Variants in UGT1A4 observed in about 807,000 individuals in gnomAD.
The protein encoded by UGT1A4 is UDP glucuronosyltransferase family 1 member A4.
A neutral mutation model predicts 41.1 loss-of-function variants in UGT1A4; 32 were observed. The observed-to-expected ratio is 0.78, with a 90% CI of 0.59 to 1.05. The LOEUF is 1.05. Ranked by LOEUF, UGT1A4 falls within the 50% of genes least tolerant of loss-of-function variation. The pLI is 0.00. For missense variants in UGT1A4, 748 were observed against 677.4 expected (o/e 1.10, Z -1.16); for synonymous variants, 283 against 265.1 (o/e 1.07, Z -0.66).
intron 1 of UGT1A4, among the ~76,000 whole-genome samples, chr2:233,764,578 C>T (rs146266932): frequency 2.0e-4 from 31 of 152,244 alleles, no homozygotes; most frequent in African/African-American, 6.5e-4. Flanking sequence ...AACTTAGACT[C>T]GGCCTTTTCC....
Position 233,767,829 on chromosome 2 carries a change from G to A in UGT1A4, c.1000-20G>A. On this transcript the variant is annotated intron_variant, in intron 2 of 4. Coordinates refer to ENST00000373409, the MANE Select transcript of UGT1A4 (RefSeq NM_007120.3). ...ATATTATGTTCTTTCTTTACGTTCT[G>A]CTCTTTTTGCCCCTCCCAGGTCCTG... 6.2e-7 allele frequency: 1 copy of A among 1,614,106 alleles called. No individual in the cohort carries two copies.
chr2:233,724,327 A>G (rs1359142433), intron 1 of UGT1A4, among the ~76,000 whole-genome samples: 358 of 72,230 alleles, frequency 5.0e-3, no homozygotes, highest in African/African-American at 8.2e-3. Flanking sequence ...GCGGCTGGCC[A>G]GGCGGGGGGC....
chr2:233,743,464 C>T lies in UGT1A4; in HGVS notation c.868-23570C>T, dbSNP rs542057655. 5.5e-4 allele frequency: 753 copies of T among 1,366,482 alleles called. 6 individuals carry two copies. In the Admixed American group the frequency reaches 0.012, roughly 23 times the overall value. The allele number at this position is 1,366,482 out of a possible 1,614,324, so 84.6% of individuals were successfully genotyped here. On this transcript the variant is annotated intron_variant, in intron 1 of 4. Coordinates refer to ENST00000373409, the MANE Select transcript of UGT1A4 (RefSeq NM_007120.3). Reference sequence around the variant, plus strand: ...TGTATCAAAAGAAGAAAAAACACCCCCAAAAGCTGGAAATTCACTGAAGGC... The same window carrying T: ...TGTATCAAAAGAAGAAAAAACACCCTCAAAAGCTGGAAATTCACTGAAGGC...
intron 4 of UGT1A4, chr2:233,771,129 T>C (rs1305021368): frequency 6.6e-6 from 1 of 152,152 alleles, no homozygotes. Context: ...TCCGACCCCA[T>C]GATCCAAACA....
At chr2:233,768,790 G>C (rs1021832155) in intron 4 of UGT1A4, among the ~76,000 whole-genome samples, 1 of 152,024 alleles carries the variant, frequency 6.6e-6, no homozygotes, top group Admixed American at 6.6e-5. Context: ...CACCATGTTT[G>C]TCAGGCTGGT....
chr2:233,754,105 C>T (rs1695394703), intron 1 of UGT1A4, among the ~76,000 whole-genome samples: 1 of 152,196 alleles, frequency 6.6e-6, no homozygotes, highest in South Asian at 2.1e-4. Context: ...TCAACTCTTC[C>T]TACATCACGA....
intron 1 of UGT1A4, among the ~76,000 whole-genome samples, chr2:233,740,338 G>A (rs1156245808): frequency 6.6e-6 from 1 of 151,948 alleles, no homozygotes; most frequent in Non-Finnish European, 1.5e-5. Context: ...TGAGAAAGTT[G>A]ATGAGAAAGT....
chr2:233,768,258 T>C lies in UGT1A4; in HGVS notation c.1126T>C (p.Ser376Pro). 1 of 1,614,230 alleles carries C rather than the reference T, an allele frequency of 6.2e-7. No homozygotes were observed. The highest frequency in any genetic ancestry group is 8.5e-7 in the Non-Finnish European group (1 of 1,180,044). Residue 376 changes from serine (S) to proline (P), a missense_variant, in exon 4 of 5, where the codon TCC becomes CCC. By Grantham distance (74) the Ser-to-Pro change is moderately conservative. Coordinates refer to ENST00000373409, the MANE Select transcript of UGT1A4 (RefSeq NM_007120.3). ...MTRAFITHAG[S>P]HGVYESICNG... Reference sequence around the variant, plus strand: ...CCGTGCCTTTATCACCCATGCTGGTTCCCATGGTGTTTATGAAAGCATATG... The same window carrying C: ...CCGTGCCTTTATCACCCATGCTGGTCCCCATGGTGTTTATGAAAGCATATG...
In UGT1A4 at chr2:233,747,891, C is replaced by T. The variant is rs562741642; in HGVS notation, c.868-19143C>T. 6 of 1,613,060 alleles carry T rather than the reference C, an allele frequency of 3.7e-6. No homozygotes were observed. In the Admixed American group the frequency reaches 5.0e-5, roughly 13 times the overall value. On this transcript the variant is annotated intron_variant, in intron 1 of 4. Coordinates refer to ENST00000373409, the MANE Select transcript of UGT1A4 (RefSeq NM_007120.3). ...GGCCCTGTCCTACCTTTGCCATGCT[C>T]TTTCTGCTCCTTATGCAAGCCTTGC...
intron 1 of UGT1A4, chr2:233,754,910 C>A: frequency 7.4e-7 from 1 of 1,353,942 alleles, no homozygotes; most frequent in African/African-American, 1.5e-5. Flanking sequence ...CCAAAATATT[C>A]TCCAGCGGGT....
chr2:233,734,912 C>G (rs2078584447), intron 1 of UGT1A4, among the ~76,000 whole-genome samples: 1 of 152,122 alleles, frequency 6.6e-6, no homozygotes, highest in Admixed American at 6.5e-5. Flanking sequence ...TTTACATTTG[C>G]TAAGGAGTGC....
intron 1 of UGT1A4, chr2:233,729,480 C>T (rs2077866631): frequency 1.9e-6 from 3 of 1,614,046 alleles, no homozygotes; most frequent in South Asian, 1.1e-5. Context: ...CAATGTTGAA[C>T]AATATGTCTT....
chr2:233,719,356 A>T lies in UGT1A4; in HGVS notation c.536A>T (p.Asp179Val), dbSNP rs751560022. The change falls in exon 1 of 5, where the codon GAC becomes GTC. Residue 179 changes from aspartate (D) to valine (V), a missense_variant. By Grantham distance (152) the Asp-to-Val change is radical. Coordinates refer to ENST00000373409, the MANE Select transcript of UGT1A4 (RefSeq NM_007120.3). Reference protein sequence around the residue: ...AVFFWRYIPCDLDFKGTQCPN... With the variant: ...AVFFWRYIPCVLDFKGTQCPN... ...TTTTTTTGGAGGTACATTCCATGTG[A>T]CTTAGACTTTAAGGGCACACAGTGT... The T allele has an allele frequency of 2.5e-6, 4 of 1,613,848 alleles. No homozygotes were observed. Among genetic ancestry groups the T allele is most frequent in the Non-Finnish European group, 3.4e-6 (4 of 1,179,852 alleles).
rs777889736 is a variant in UGT1A4, at chr2:233,719,093, C to T, written c.273C>T (p.Arg91=). The change falls in exon 1 of 5, where the codon CGC becomes CGT. Residue 91 remains arginine (R), a synonymous_variant. Transcript: ENST00000373409. ...AVPWTQKEFD[R]VTLGYTQGFF... ...CATGGACCCAGAAGGAATTTGATCGCGTTACGCTGGGCTACACTCAAGGGT... is the reference window on the plus strand; with the variant it reads ...CATGGACCCAGAAGGAATTTGATCGTGTTACGCTGGGCTACACTCAAGGGT... 15 of 1,614,122 alleles carry T rather than the reference C, an allele frequency of 9.3e-6. No homozygotes were observed. The Admixed American group carries it at 1.0e-4, about 11-fold the overall frequency.
At position 233,769,343 on chromosome 2, in the gene UGT1A4, T is replaced by C. The variant is rs950579425; in HGVS notation, c.1307+904T>C. On this transcript the variant is annotated intron_variant, in intron 4 of 4. Coordinates refer to ENST00000373409, the MANE Select transcript of UGT1A4 (RefSeq NM_007120.3). The surrounding 1 kb of genome is among the most constrained non-coding windows in gnomAD (Gnocchi z 4.4). ...TGGTAATAGGCTTATTAGAACCTTA[T>C]GGGAAGAAGTGGTGGCCAGTGGTAG... Among the ~76,000 whole-genome samples the C allele has an allele frequency of 6.6e-6, 1 of 152,250 alleles. No individual in the cohort carries two copies. The highest frequency in any genetic ancestry group is 2.4e-5 in the African/African-American group (1 of 41,464).
chr2:233,747,735 A>C, intron 1 of UGT1A4: 1 of 1,613,360 alleles, frequency 6.2e-7, no homozygotes, highest in Non-Finnish European at 8.5e-7. Flanking sequence ...TTTTTTGAGG[A>C]ACATTCCATG....
At chr2:233,748,322 T>C (rs905546123) in intron 1 of UGT1A4, among the ~76,000 whole-genome samples, 5 of 151,864 alleles carry the variant, frequency 3.3e-5, no homozygotes, top group African/African-American at 4.9e-5. Context: ...CTAGGACTGA[T>C]GTGACTCATG....
chr2:233,765,544 G>A (rs148810143), intron 1 of UGT1A4, among the ~76,000 whole-genome samples: 5,118 of 152,186 alleles, frequency 0.034, 277 homozygotes, highest in African/African-American at 0.12. Context: ...CTCATAAGTG[G>A]GAGTTGAACA....
chr2:233,720,901 A>G (rs1393061406), intron 1 of UGT1A4, among the ~76,000 whole-genome samples: 5 of 132,048 alleles, frequency 3.8e-5, no homozygotes, highest in Admixed American at 7.7e-5. Flanking sequence ...AGTAGAGATG[A>G]GGTTTCGCAA....
Sources: allele counts gnomAD v4.1 joint callset (sites outside exome capture counted in the v4.1 genomes callset), GRCh38; gene constraint gnomAD v4.1.1; non-coding constraint Gnocchi (gnomAD v3.1); transcripts MANE v1.5; gene names NCBI Gene and HGNC (gene_info 2026-07-23, HGNC 2026-07-21).